The following AGAP3 variants were observed in gnomAD, a reference collection of about 807,000 sequenced individuals.
AGAP3 encodes the protein arf-GAP with GTPase, ANK repeat and PH domain-containing protein 3.
Under a neutral mutation model 96.9 loss-of-function variants are expected in AGAP3, and 24 were observed. That is an observed-to-expected ratio of 0.25 (90% CI 0.18 to 0.35). AGAP3 has a LOEUF of 0.35. AGAP3 is among the 10% of genes least tolerant of loss of function. AGAP3 has a pLI of 1.00. For missense variants in AGAP3, 876 were observed against 1,254.2 expected (o/e 0.70, Z 4.55); for synonymous variants, 563 against 536.1 (o/e 1.05, Z -0.69).
chr7:151,139,829 C>A lies in AGAP3; in HGVS notation c.1667-150C>A. ...TTTGGGACTGGGAAGCCCAGGCAGACCTCGCCTAGAGAGAGGTGTCCGTCT... is the reference window on the plus strand; with the variant it reads ...TTTGGGACTGGGAAGCCCAGGCAGAACTCGCCTAGAGAGAGGTGTCCGTCT... On this transcript the variant is annotated intron_variant, in intron 12 of 17. Coordinates refer to ENST00000397238, the MANE Select transcript of AGAP3 (RefSeq NM_031946.7). The surrounding 1 kb of genome is among the most constrained non-coding windows in gnomAD (Gnocchi z 4.9). 2 of 682,654 alleles carry A rather than the reference C, an allele frequency of 2.9e-6. No individual in the cohort carries two copies. Among genetic ancestry groups the A allele is most frequent in the South Asian group, 4.2e-5 (1 of 24,088 alleles). The allele number at this position is 682,654 out of a possible 1,614,324, so 42.3% of individuals were successfully genotyped here.
Position 151,135,240 on chromosome 7 carries a change from G to A in AGAP3, c.1495+672G>A, listed in dbSNP as rs534357889. ...CTCGCTTCCAGAGCCCCTGGCTCCC[G>A]ATTGCTTTCCCCCAAGACTTCAGTA... is the stretch of plus-strand genomic sequence containing the variant. On this transcript the variant is annotated intron_variant, in intron 11 of 17. Transcript: ENST00000397238. Among the ~76,000 whole-genome samples the A allele has an allele frequency of 4.6e-5, 7 of 152,244 alleles. No individual in the cohort carries two copies. In the East Asian group the frequency reaches 5.8e-4, roughly 13 times the overall value.
intron 1 of AGAP3, chr7:151,115,045 C>T (rs1337781553): frequency 1.0e-6 from 1 of 1,003,040 alleles, no homozygotes; most frequent in Non-Finnish European, 1.2e-6. Flanking sequence ...CTGGCGCCCT[C>T]GGGACCGCCC....
At chr7:151,115,590 C>T (rs1201583414) in intron 1 of AGAP3, 79 of 1,164,060 alleles carry the variant, frequency 6.8e-5, no homozygotes, top group Middle Eastern at 3.5e-4. Context: ...CGCCGCGCCG[C>T]TGTGGGGCCG....
At chr7:151,090,952 A>C (rs796223471) in intron 1 of AGAP3, among the ~76,000 whole-genome samples, 25 of 152,182 alleles carry the variant, frequency 1.6e-4, no homozygotes, top group African/African-American at 6.0e-4. Flanking sequence ...TCAAAAAAAA[A>C]CAAAAACAAA....
intron 8 of AGAP3, chr7:151,122,968 G>A (rs1799981273): frequency 1.4e-6 from 2 of 1,430,688 alleles, no homozygotes; most frequent in Middle Eastern, 2.6e-4. Context: ...CGGAGCCCGC[G>A]CTGGGGGCTG....
In AGAP3 at chr7:151,134,574, G is replaced by A. The variant is rs906130989; in HGVS notation, c.1495+6G>A. 6.3e-7 allele frequency: 1 copy of A among 1,599,780 alleles called. No individual in the cohort carries two copies. Among genetic ancestry groups the A allele is most frequent in the Non-Finnish European group, 8.5e-7 (1 of 1,171,384 alleles). Reference sequence around the variant, plus strand: ...ACAGCTGGGTGGGGGCACAGGTGAGGCGGCTGCTGAGGTGGGGGCCTGGGG... The same window carrying A: ...ACAGCTGGGTGGGGGCACAGGTGAGACGGCTGCTGAGGTGGGGGCCTGGGG... On this transcript the variant is annotated splice_donor_region_variant and intron_variant, in intron 11 of 17. Transcript: ENST00000397238.
chr7:151,128,214 GT>G, intron 9 of AGAP3: 1 of 234,012 alleles, frequency 4.3e-6, no homozygotes, highest in South Asian at 7.3e-5. Flanking sequence ...ACCCCTGAGC[GT>G]CTACTCCTGG....
At chr7:151,113,500 T>G (rs1354247465) in intron 1 of AGAP3, among the ~76,000 whole-genome samples, 1 of 152,188 alleles carries the variant, frequency 6.6e-6, no homozygotes, top group Non-Finnish European at 1.5e-5. Context: ...ATGTGCCACT[T>G]GTATCTCCCA....
intron 1 of AGAP3, among the ~76,000 whole-genome samples, chr7:151,097,517 CAAAAAAAAA>C (rs67915216): frequency 1.0e-5 from 1 of 95,672 alleles, no homozygotes; most frequent in Non-Finnish European, 2.3e-5. Context: ...GACTCTGTCT[CAAAAAAAAA>C]AAAAAAAAAG....
At chr7:151,119,917 C>T (rs1799789087) in intron 7 of AGAP3, 70 bp from the exon 8 acceptor site, 5 of 1,530,156 alleles carry the variant, frequency 3.3e-6, no homozygotes, top group Admixed American at 1.8e-5. Flanking sequence ...CACAGGGATT[C>T]CCGGCACCCG....
At chr7:151,120,730 C>T (rs562598408) in intron 8 of AGAP3, 3 of 1,211,538 alleles carry the variant, frequency 2.5e-6, no homozygotes, top group South Asian at 2.9e-5. Flanking sequence ...CACGCTGCCT[C>T]GTTCCTCCCT....
chr7:151,123,064 G>C (rs1203228639), intron 8 of AGAP3: 18 of 1,264,058 alleles, frequency 1.4e-5, no homozygotes, highest in East Asian at 3.9e-5. Context: ...TGGCCAGCGC[G>C]ACGAGGCCCA....
rs117779720 is a variant in AGAP3, at chr7:151,106,138, T to G, written c.332-10655T>G. Among the ~76,000 whole-genome samples, 23 of 152,260 alleles carry G rather than the reference T, an allele frequency of 1.5e-4. No individual in the cohort carries two copies. The East Asian group carries it at 3.5e-3, about 23-fold the overall frequency. On this transcript the variant is annotated intron_variant, in intron 1 of 17. Coordinates refer to ENST00000397238, the MANE Select transcript of AGAP3 (RefSeq NM_031946.7). ...AAAAGTTCAGGTACTCTGAGCATTG[T>G]GTTGCAGTGGCACTTGTCCAGAATT... is the stretch of plus-strand genomic sequence containing the variant.
chr7:151,123,893 G>T lies in AGAP3; in HGVS notation c.1221+7G>T. 2.5e-6 allele frequency: 4 copies of T among 1,604,188 alleles called. No homozygotes were observed. The highest frequency in any genetic ancestry group is 3.4e-6 in the Non-Finnish European group (4 of 1,179,600). The stretch of plus-strand genomic sequence containing the variant: ...CGCCATCCCCATCAAGCAGGTCAGC[G>T]CCTCCCTTCCCGTGTGCTCCAGGGC... On this transcript the variant is annotated splice_region_variant and intron_variant, in intron 9 of 17. Coordinates refer to ENST00000397238, the MANE Select transcript of AGAP3 (RefSeq NM_031946.7).
chr7:151,095,725 AAAG>A lies in AGAP3; in HGVS notation c.331+8655_331+8657del, dbSNP rs1193755048. ...ACAAAAAAAAAAAAAAAAAAAAAAA[AAAG>A]ATACCAGAAAGGCAAGCCCCAGAGC... On this transcript the variant is annotated intron_variant, in intron 1 of 17. Transcript: ENST00000397238. Among the ~76,000 whole-genome samples the A allele has an allele frequency of 5.5e-3, 803 of 146,910 alleles. 6 individuals carry two copies. The highest frequency in any genetic ancestry group is 0.02 in the African/African-American group (758 of 38,196).
intron 8 of AGAP3, chr7:151,123,517 C>A (rs1484263916): frequency 1.6e-6 from 2 of 1,262,412 alleles, no homozygotes; most frequent in Non-Finnish European, 2.0e-6. Flanking sequence ...GCCCCCGCCC[C>A]GGGCGTGCTC....
chr7:151,111,060 A>G (rs1799260773), intron 1 of AGAP3, among the ~76,000 whole-genome samples: 1 of 152,004 alleles, frequency 6.6e-6, no homozygotes, highest in Non-Finnish European at 1.5e-5. Flanking sequence ...CTGATTCCCT[A>G]AGCTCCAACT....
chr7:151,128,487 G>T (rs548368728), intron 9 of AGAP3, 93 bp from the exon 10 acceptor site: 44 of 1,023,430 alleles, frequency 4.3e-5, no homozygotes, highest in African/African-American at 3.3e-4. Flanking sequence ...AAGCGGGGAG[G>T]GGGGAGGGCA....
rs749601035 is a variant in AGAP3, at chr7:151,087,011, C to A, written c.270C>A (p.Ile90=). 1 of 1,613,070 alleles carries A rather than the reference C, an allele frequency of 6.2e-7. No individual in the cohort carries two copies. Among genetic ancestry groups the A allele is most frequent in the Non-Finnish European group, 8.5e-7 (1 of 1,179,572 alleles). The change falls in exon 1 of 18, where the codon ATC becomes ATA. Residue 90 remains isoleucine, a synonymous_variant. Coordinates refer to ENST00000397238, the MANE Select transcript of AGAP3 (RefSeq NM_031946.7). ...HPNIYAIYDL[I]ERIEDLALQN... ...ATATCTACGCCATCTACGACCTGAT[C>A]GAGCGCATCGAGGATTTGGCGCTGC...
Sources: gnomAD v4.1 joint callset for allele counts (sites outside exome capture counted in the v4.1 genomes callset) on GRCh38, gnomAD v4.1.1 for gene constraint, Gnocchi (gnomAD v3.1) non-coding constraint, MANE v1.5 for transcripts, NCBI Gene and HGNC (gene_info 2026-07-23, HGNC 2026-07-21) for gene names.